Variants in PPM1E observed in about 807,000 individuals in gnomAD.
PPM1E encodes the protein protein phosphatase, Mg2+/Mn2+ dependent 1E.
In PPM1E, 20 loss-of-function variants were observed where a neutral mutation model predicts 65.9. That is an observed-to-expected ratio of 0.30 (90% CI 0.21 to 0.44). The LOEUF is 0.44. Among genes scored for constraint, PPM1E ranks in the 20% least tolerant of loss-of-function variants. The pLI, the probability that PPM1E is intolerant of heterozygous loss-of-function variation, is 1.00. For missense variants in PPM1E, 713 were observed against 953.1 expected, an observed-to-expected ratio of 0.75 and a Z score of 3.32; for synonymous variants, 352 against 374.9, an observed-to-expected ratio of 0.94 and a Z score of 0.70.
At chr17:58,922,902 C>A (rs150798812) in intron 1 of PPM1E, among the ~76,000 whole-genome samples, 2 of 151,990 alleles carry the variant, frequency 1.3e-5, no homozygotes, top group African/African-American at 4.8e-5. Context: ...CCAAGATGGT[C>A]TTGATCTCCT....
At chr17:58,859,070 G>A (rs1281372113) in intron 1 of PPM1E, among the ~76,000 whole-genome samples, 2 of 152,188 alleles carry the variant, frequency 1.3e-5, no homozygotes, top group East Asian at 1.9e-4. Flanking sequence ...CAAAGAAATC[G>A]GGTTAGTGTT....
At position 58,982,184 on chromosome 17, in the gene PPM1E, C is replaced by T. The variant is rs577997867; in HGVS notation, c.*1153C>T. The T allele has an allele frequency of 1.3e-5, 2 of 152,752 alleles. No individual in the cohort carries two copies. The highest frequency in any genetic ancestry group is 2.1e-4 in the South Asian group (1 of 4,820). 9.5% of individuals were successfully genotyped at this position (152,752 alleles called of 1,614,324 possible). A position where few individuals can be genotyped will look rare whatever the true frequency, so the allele number is the denominator to read the frequency against. ...GGAAGACACATGAGTGTCCTGCTTA[C>T]ATGTAGCTTCAGACTGCAGAGACAG... is the stretch of plus-strand genomic sequence containing the variant. On this transcript the variant is annotated 3_prime_UTR_variant, in exon 7 of 7. Coordinates refer to ENST00000308249, the MANE Select transcript of PPM1E (RefSeq NM_014906.5).
At chr17:58,855,520 C>T (rs1218034673) in intron 1 of PPM1E, among the ~76,000 whole-genome samples, 1 of 152,120 alleles carries the variant, frequency 6.6e-6, no homozygotes, top group Non-Finnish European at 1.5e-5. Context: ...CCCAGTACAT[C>T]GTGCCTGGCT....
At chr17:58,955,144 C>G (rs1054465093) in intron 1 of PPM1E, among the ~76,000 whole-genome samples, 1 of 152,102 alleles carries the variant, frequency 6.6e-6, no homozygotes, top group Non-Finnish European at 1.5e-5. Context: ...GTGGGCGGAT[C>G]ACCTGAGGTT....
intron 1 of PPM1E, among the ~76,000 whole-genome samples, chr17:58,775,920 C>CAA (rs1158158641): frequency 0.024 from 1,249 of 52,508 alleles, 248 homozygotes; most frequent in Middle Eastern, 0.028. Context: ...GACTCCGTCT[C>CAA]AAAAAAAAAA....
Position 58,837,320 on chromosome 17 carries a change from A to AC in PPM1E, c.464+80859_464+80860insC, listed in dbSNP as rs1567849044. Reference sequence around the variant, plus strand: ...TATACAACTGTCAGAGAATGAGAATAACACACACACATACACACACACACA... The same window carrying AC: ...TATACAACTGTCAGAGAATGAGAATACACACACACACATACACACACACACA... On this transcript the variant is annotated intron_variant, in intron 1 of 6. Transcript: ENST00000308249. 4.2e-5 allele frequency among the ~76,000 whole-genome samples: 5 copies of AC among 120,242 alleles called. No individual in the cohort carries two copies. In the South Asian group the frequency reaches 1.5e-3, roughly 36 times the overall value. 78.9% of individuals were successfully genotyped at this position (120,242 alleles called of 152,430 possible). A position where few individuals can be genotyped will look rare whatever the true frequency, so the allele number is the denominator to read the frequency against.
chr17:58,787,155 A>G (rs375405453), intron 1 of PPM1E, among the ~76,000 whole-genome samples: 16 of 152,334 alleles, frequency 1.1e-4, no homozygotes, highest in African/African-American at 3.6e-4. Flanking sequence ...AAGGAATTCA[A>G]GGCTCAGAAA....
In PPM1E at chr17:58,982,062, T is replaced by C. The variant is rs1162941319; in HGVS notation, c.*1031T>C. 6.5e-6 allele frequency: 1 copy of C among 152,686 alleles called. No individual in the cohort carries two copies. The highest frequency in any genetic ancestry group is 1.9e-4 in the East Asian group (1 of 5,182). 9.5% of individuals were successfully genotyped at this position (152,686 alleles called of 1,614,324 possible). On this transcript the variant is annotated 3_prime_UTR_variant, in exon 7 of 7. Transcript: ENST00000308249. ...AATTATTTCCCCCAAGGTAGTGAAG[T>C]AATTGGAATGAAGGAGGCTGAAAGT...
At chr17:58,943,806 T>G (rs767327075) in intron 1 of PPM1E, among the ~76,000 whole-genome samples, 17 of 152,178 alleles carry the variant, frequency 1.1e-4, no homozygotes, top group Non-Finnish European at 2.4e-4. Context: ...TGCCTCATAC[T>G]TCATTGAGAA....
chr17:58,893,050 T>C (rs1598633987), intron 1 of PPM1E, among the ~76,000 whole-genome samples: 1 of 152,170 alleles, frequency 6.6e-6, no homozygotes, highest in East Asian at 1.9e-4. Context: ...AGTTTGGCAA[T>C]TTCTCACAAA....
At chr17:58,777,259 A>G (rs893697349) in intron 1 of PPM1E, among the ~76,000 whole-genome samples, 1 of 152,124 alleles carries the variant, frequency 6.6e-6, no homozygotes, top group Non-Finnish European at 1.5e-5. Context: ...ATGCCCAAAC[A>G]TTTTGCTCTT....
At chr17:58,930,134 G>A (rs7216698) in intron 1 of PPM1E, among the ~76,000 whole-genome samples, 85,110 of 151,658 alleles carry the variant, frequency 0.56, 24,212 homozygotes, top group Non-Finnish European at 0.61. Flanking sequence ...GGTGGCTCAT[G>A]TCTGTAATCC....
chr17:58,757,452 G>A (rs1392076769), intron 1 of PPM1E, among the ~76,000 whole-genome samples: 2 of 152,204 alleles, frequency 1.3e-5, no homozygotes, highest in Non-Finnish European at 2.9e-5. Context: ...TGACAGAGGA[G>A]AATACTAGTA....
chr17:58,850,465 A>G (rs1598609424), intron 1 of PPM1E, among the ~76,000 whole-genome samples: 1 of 152,272 alleles, frequency 6.6e-6, no homozygotes, highest in Admixed American at 6.5e-5. Context: ...CTTGTAAGGC[A>G]GGCCTGGTGG....
At chr17:58,927,017 T>C (rs902167712) in intron 1 of PPM1E, among the ~76,000 whole-genome samples, 1 of 152,174 alleles carries the variant, frequency 6.6e-6, no homozygotes, top group African/African-American at 2.4e-5. Flanking sequence ...ATTTATTTTT[T>C]TAAATCTGAT....
intron 1 of PPM1E, among the ~76,000 whole-genome samples, chr17:58,947,110 G>GTTTTTTTTTTTTTTTTT (rs56666470): frequency 2.3e-5 from 1 of 44,072 alleles, no homozygotes; most frequent in Non-Finnish European, 3.7e-5. Context: ...CCTTTTTCCT[G>GTTTTTTTTTTTTTTTTT]TTTTTTTTTT....
chr17:58,906,660 A>T (rs536811903), intron 1 of PPM1E, among the ~76,000 whole-genome samples: 4 of 151,932 alleles, frequency 2.6e-5, no homozygotes, highest in Non-Finnish European at 5.9e-5. Flanking sequence ...TTAATTTTTA[A>T]TTTTTATGGG....
At chr17:58,832,506 T>C (rs61291849) in intron 1 of PPM1E, among the ~76,000 whole-genome samples, 28,054 of 152,102 alleles carry the variant, frequency 0.18, 2,753 homozygotes, top group Non-Finnish European at 0.21. Flanking sequence ...AAACATACAA[T>C]GATTTTGTTT....
chr17:58,777,877 T>C (rs1408409102), intron 1 of PPM1E, among the ~76,000 whole-genome samples: 3 of 152,206 alleles, frequency 2.0e-5, no homozygotes, highest in African/African-American at 7.2e-5. Context: ...GAATAAAATA[T>C]ATGCTTAACA....
Sources: gnomAD v4.1 joint callset for allele counts (sites outside exome capture counted in the v4.1 genomes callset) on GRCh38, gnomAD v4.1.1 for gene constraint, MANE v1.5 for transcripts, NCBI Gene and HGNC (gene_info 2026-07-23, HGNC 2026-07-21) for gene names.